ACACA: variants seen among roughly 807,000 people sequenced by gnomAD.
ACACA encodes the protein acetyl-CoA carboxylase alpha.
In ACACA, 103 loss-of-function variants were observed where a neutral mutation model predicts 296.1. The observed-to-expected ratio is 0.35, with a 90% CI of 0.30 to 0.41. ACACA has a LOEUF of 0.41. ACACA is among the 10% of genes least tolerant of loss of function. ACACA has a pLI of 1.00. For missense variants in ACACA, 1,554 were observed against 2,989.7 expected (o/e 0.52, Z 11.20); for synonymous variants, 953 against 1,038.6 (o/e 0.92, Z 1.58).
chr17:37,230,458 T>C (rs1234219551), intron 25 of ACACA, among the ~76,000 whole-genome samples: 1 of 152,152 alleles, frequency 6.6e-6, no homozygotes, highest in Non-Finnish European at 1.5e-5. Flanking sequence ...TCAAACAGTA[T>C]GAATTAACCA....
intron 42 of ACACA, among the ~76,000 whole-genome samples, chr17:37,159,562 T>C (rs1027486009): frequency 6.6e-6 from 1 of 152,198 alleles, no homozygotes; most frequent in Non-Finnish European, 1.5e-5. Context: ...ATTCAGATGT[T>C]TTGCAACCAT....
intron 50 of ACACA, among the ~76,000 whole-genome samples, chr17:37,120,220 A>G (rs1476216722): frequency 3.4e-5 from 5 of 146,358 alleles, no homozygotes; most frequent in African/African-American, 1.3e-4. Context: ...ATCACTATTT[A>G]CTCCAAAAGT....
intron 1 of ACACA, chr17:37,391,921 A>G (rs905861484): frequency 1.7e-6 from 1 of 590,634 alleles, no homozygotes; most frequent in Non-Finnish European, 3.0e-6. Flanking sequence ...AACCTTCTGT[A>G]ATTCACTTCA....
At chr17:37,337,923 C>T (rs1317290654) in intron 2 of ACACA, among the ~76,000 whole-genome samples, 1 of 151,812 alleles carries the variant, frequency 6.6e-6, no homozygotes, top group East Asian at 2.0e-4. Context: ...TGGTGAAACC[C>T]CATCTCTAAT....
chr17:37,287,717 T>G, intron 3 of ACACA, among the ~76,000 whole-genome samples: 1 of 148,596 alleles, frequency 6.7e-6, no homozygotes, highest in East Asian at 2.0e-4. Context: ...CCCTCCAGCC[T>G]GGGCGACAGA....
chr17:37,395,320 C>A (rs569200356), intron 1 of ACACA, among the ~76,000 whole-genome samples: 6 of 151,658 alleles, frequency 4.0e-5, no homozygotes, highest in Non-Finnish European at 8.8e-5. Flanking sequence ...ATCCCAGCTA[C>A]TCGGGAGGCT....
At chr17:37,205,486 T>C (rs553250884) in intron 33 of ACACA, among the ~76,000 whole-genome samples, 58 of 152,242 alleles carry the variant, frequency 3.8e-4, no homozygotes, top group African/African-American at 1.3e-3. Flanking sequence ...TGGTAGGTGA[T>C]TCGAAGTTCA....
chr17:37,293,193 G>A (rs1438445188), intron 3 of ACACA, among the ~76,000 whole-genome samples: 4 of 151,994 alleles, frequency 2.6e-5, no homozygotes, highest in South Asian at 2.1e-4. Flanking sequence ...CCTCCTTACC[G>A]GTTCCTTACT....
chr17:37,308,859 C>A (rs1311133476), intron 3 of ACACA, among the ~76,000 whole-genome samples: 1 of 152,102 alleles, frequency 6.6e-6, no homozygotes, highest in East Asian at 1.9e-4. Flanking sequence ...ACTGCTTGAA[C>A]CTGAGAGGCG....
intron 45 of ACACA, among the ~76,000 whole-genome samples, chr17:37,140,228 T>C (rs1471957488): frequency 1.3e-5 from 2 of 152,218 alleles, no homozygotes; most frequent in Admixed American, 1.3e-4. Flanking sequence ...TACAGCCACT[T>C]GTGATTGTGA....
chr17:37,134,963 AGTG>A (rs1379113712), intron 45 of ACACA, among the ~76,000 whole-genome samples: 2 of 152,192 alleles, frequency 1.3e-5, no homozygotes, highest in Admixed American at 1.3e-4. Context: ...GTAGAGGAAA[AGTG>A]GTAAAATAGG....
intron 3 of ACACA, among the ~76,000 whole-genome samples, chr17:37,329,967 A>C (rs946986299): frequency 3.3e-5 from 5 of 151,780 alleles, no homozygotes; most frequent in African/African-American, 4.9e-5. Flanking sequence ...AACAAAAAAA[A>C]CCTAGTAGGA....
intron 1 of ACACA, among the ~76,000 whole-genome samples, chr17:37,370,127 C>G (rs888794393): frequency 1.3e-5 from 2 of 151,138 alleles, no homozygotes; most frequent in Non-Finnish European, 2.9e-5. Context: ...CTGCCTCAGA[C>G]TCCTGAGTAG....
chr17:37,104,447 C>CA (rs1205541896), intron 52 of ACACA, among the ~76,000 whole-genome samples: 1 of 152,106 alleles, frequency 6.6e-6, no homozygotes, highest in Non-Finnish European at 1.5e-5. Context: ...AACTGAGGCA[C>CA]AAAAAAGTAA....
intron 54 of ACACA, 30 bp from the exon 55 acceptor site, chr17:37,089,104 CA>C: frequency 6.2e-7 from 1 of 1,614,064 alleles, no homozygotes; most frequent in Non-Finnish European, 8.5e-7. Flanking sequence ...GGTCAAACAC[CA>C]GGGGTCAGGC....
At chr17:37,268,257 A>C (rs1170527588) in intron 10 of ACACA, among the ~76,000 whole-genome samples, 3 of 152,224 alleles carry the variant, frequency 2.0e-5, no homozygotes, top group Admixed American at 6.5e-5. Context: ...TGTAAGAAAA[A>C]TTAATAGAAA....
rs754366740 is a variant in ACACA, at chr17:37,252,097, A to C, written c.1989T>G (p.Pro663=). The C allele has an allele frequency of 1.2e-5, 20 of 1,614,076 alleles. No individual in the cohort carries two copies. The African/African-American group carries it at 1.7e-4, about 14-fold the overall frequency. Reference sequence around the variant, plus strand: ...CACACACAACCCCCAACATGGTGTCAGGTCGCTCAGCCTGAAAGGAGGAAA... The same window carrying C: ...CACACACAACCCCCAACATGGTGTCCGGTCGCTCAGCCTGAAAGGAGGAAA... ...LIAEKVQAER[P]DTMLGVVCGA... The change falls in exon 16 of 56, where the codon CCT becomes CCG. Residue 663 remains proline (P), a synonymous_variant. Coordinates refer to ENST00000616317, the MANE Select transcript of ACACA (RefSeq NM_198834.3).
At chr17:37,402,503 C>T (rs1159657278) in intron 1 of ACACA, among the ~76,000 whole-genome samples, 2 of 152,140 alleles carry the variant, frequency 1.3e-5, no homozygotes, top group Non-Finnish European at 2.9e-5. Context: ...GGAGACTTTA[C>T]TGAGAGTGAA....
chr17:37,348,091 T>C (rs890421221), intron 1 of ACACA, among the ~76,000 whole-genome samples: 7 of 150,972 alleles, frequency 4.6e-5, no homozygotes, highest in Non-Finnish European at 8.8e-5. Flanking sequence ...CAGAACTGCT[T>C]GAACCCGGGA....
Sources: gnomAD v4.1 joint callset for allele counts (sites outside exome capture counted in the v4.1 genomes callset) on GRCh38, gnomAD v4.1.1 for gene constraint, MANE v1.5 for transcripts, NCBI Gene and HGNC (gene_info 2026-07-23, HGNC 2026-07-21) for gene names.